The following POLE variants were observed in gnomAD, a reference collection of about 807,000 sequenced individuals.
POLE encodes DNA polymerase epsilon catalytic subunit A.
Under a neutral mutation model 279.2 loss-of-function variants are expected in POLE, and 188 were observed. That is an observed-to-expected ratio of 0.67 (90% confidence interval 0.60 to 0.76). The LOEUF is 0.76. Among genes scored for constraint, POLE ranks in the 30% least tolerant of loss-of-function variants. The pLI, the probability that POLE is intolerant of heterozygous loss-of-function variation, is 0.00. For synonymous variants in POLE, 1,214 were observed against 1,172.5 expected, an observed-to-expected ratio of 1.04 and a Z score of -0.72; for missense variants, 2,703 against 3,016.7, an observed-to-expected ratio of 0.90 and a Z score of 2.44.
chr12:132,676,081 G>C lies in POLE; in HGVS notation c.1020+13C>G. ...CACAATACCGGGTAGTTTCCCAAGT[G>C]ATACCTCCTTACCTCATCGGGTTCA... On this transcript the variant is annotated intron_variant, in intron 10 of 48. Transcript: ENST00000320574. The C allele has an allele frequency of 6.5e-7, 1 of 1,546,880 alleles. No homozygotes were observed.
intron 29 of POLE, among the ~76,000 whole-genome samples, chr12:132,654,627 C>CA (rs58353820): frequency 0.022 from 3,341 of 152,094 alleles, 123 homozygotes; most frequent in African/African-American, 0.076. Context: ...CTTGTCTCTA[C>CA]AAAAAATTAC....
Position 132,639,610 on chromosome 12 carries a change from GGGGACCCTGACA to G in POLE, c.5379-324_5379-313del, listed in dbSNP as rs1244183701. ...CAAAGCAGCAAGTGTGTGACGGGCCGGGGACCCTGACAGGAAGGACACAGCAAAGCCACTGCC... is the reference window on the plus strand; with the variant it reads ...CAAAGCAGCAAGTGTGTGACGGGCCGGGAAGGACACAGCAAAGCCACTGCC... On this transcript the variant is annotated intron_variant, in intron 39 of 48. Transcript: ENST00000320574. This position sits in a 1 kb window ranked among gnomAD's most constrained non-coding sequence, Gnocchi z 4.7. Among the ~76,000 whole-genome samples the G allele has an allele frequency of 6.6e-6, 1 of 152,172 alleles. No homozygotes were observed. Among genetic ancestry groups the G allele is most frequent in the Admixed American group, 6.5e-5 (1 of 15,272 alleles).
chr12:132,636,441 GAAAAA>G lies in POLE; in HGVS notation c.5679-422_5679-418del, dbSNP rs60289510. 3.2e-3 allele frequency among the ~76,000 whole-genome samples: 144 copies of G among 44,456 alleles called. 1 individual carries two copies. The highest frequency in any genetic ancestry group is 0.014 in the African/African-American group (138 of 9,636). The allele number at this position is 44,456 out of a possible 152,430, so 29.2% of individuals were successfully genotyped here. A position where few individuals can be genotyped will look rare whatever the true frequency, so the allele number is the denominator to read the frequency against. On this transcript the variant is annotated intron_variant, in intron 41 of 48. Transcript: ENST00000320574. ...CCTCTGCACATTAGATCCATTTAAG[GAAAAA>G]AAAAAAAAAAAAAAAAAAAAAAGAA...
At chr12:132,643,020 G>T (rs771921982) in intron 35 of POLE, 24 bp from the exon 36 acceptor site, 6 of 1,568,612 alleles carry the variant, frequency 3.8e-6, no homozygotes, top group Non-Finnish European at 5.2e-6. Flanking sequence ...GGCCACGTCA[G>T]CCTCCCCCTG....
chr12:132,674,022 C>T (rs1032277735), intron 12 of POLE, among the ~76,000 whole-genome samples: 35 of 152,160 alleles, frequency 2.3e-4, no homozygotes, highest in African/African-American at 8.2e-4. Context: ...CTCCCCAGAC[C>T]TCAGGTCTGC....
chr12:132,657,035 G>T, intron 29 of POLE, 101 bp downstream of exon 29: 1 of 1,310,800 alleles, frequency 7.6e-7, no homozygotes, highest in Non-Finnish European at 1.1e-6. Flanking sequence ...TTCGATGCTT[G>T]AACAGAAGCT....
rs2042371983 is a variant in POLE at position 132,649,574 on chromosome 12, G to A, written c.3796-59C>T. On this transcript the variant is annotated intron_variant, in intron 30 of 48. Transcript: ENST00000320574. ...GTGGTGAGATGGGAATGCCCGCCAT[G>A]ACTTTCTCACAAGCAGCCTCCCTAG... The A allele has an allele frequency of 3.1e-6, 5 of 1,596,122 alleles. No homozygotes were observed. The Admixed American group carries it at 5.0e-5, about 16-fold the overall frequency.
At position 132,664,217 on chromosome 12, in the gene POLE, C is replaced by G. The variant is rs1308051259; in HGVS notation, c.2562-69G>C. 4.0e-6 allele frequency: 6 copies of G among 1,511,440 alleles called. No homozygotes were observed. Among genetic ancestry groups the G allele is most frequent in the Admixed American group, 1.7e-5 (1 of 58,472 alleles). 93.6% of individuals were successfully genotyped at this position (1,511,440 alleles called of 1,614,324 possible). On this transcript the variant is annotated intron_variant, in intron 22 of 48. Coordinates refer to ENST00000320574, the MANE Select transcript of POLE (RefSeq NM_006231.4). This position sits in a 1 kb window ranked among gnomAD's most constrained non-coding sequence, Gnocchi z 5.3. ...TTTCACCCAGTGTGTGGCCTCCAGC[C>G]TTCCCTCCTTCCTTCCTGCCCAGTG... is the stretch of plus-strand genomic sequence containing the variant.
At chr12:132,667,681 G>A (rs1165650494) in intron 19 of POLE, 33 bp from the exon 20 acceptor site, 1 of 1,611,626 alleles carries the variant, frequency 6.2e-7, no homozygotes, top group Non-Finnish European at 8.5e-7. Flanking sequence ...GAGCAGGTGG[G>A]TGAGATCTCC....
chr12:132,649,187 G>A (rs1156891670), intron 31 of POLE, 115 bp from the exon 32 acceptor site: 10 of 1,499,198 alleles, frequency 6.7e-6, no homozygotes, highest in Middle Eastern at 2.0e-4. Flanking sequence ...TCCCTACGAT[G>A]GGCAGGAAAC....
chr12:132,669,125 G>T (rs966456481), intron 16 of POLE, among the ~76,000 whole-genome samples, 186 bp from the exon 17 acceptor site: 8 of 152,056 alleles, frequency 5.3e-5, no homozygotes, highest in Non-Finnish European at 8.8e-5. Flanking sequence ...AAATTTGGTG[G>T]AGTCATTAGA....
In POLE at chr12:132,681,185, G is replaced by A. The variant is rs915665174; in HGVS notation, c.157C>T (p.Leu53=). The part of the protein sequence containing the change: ...KMDLRFGFER[L]KEPGEKTGWL... ...CCTGTCTTCTCACCAGGCTCCTTCA[G>A]CCGCTCAAAACCAAACCGCAAATCC... Residue 53 remains leucine, a synonymous_variant, in exon 2 of 49, where the codon CTG becomes TTG. Transcript: ENST00000320574. 6.2e-7 allele frequency: 1 copy of A among 1,614,008 alleles called. No homozygotes were observed. Among genetic ancestry groups the A allele is most frequent in the African/African-American group, 1.3e-5 (1 of 74,892 alleles).
intron 41 of POLE, 146 bp from the exon 42 acceptor site, chr12:132,636,170 T>G: frequency 1.1e-6 from 1 of 873,810 alleles, no homozygotes; most frequent in Non-Finnish European, 1.7e-6. Flanking sequence ...CCCTCAGGCT[T>G]CCTGGGGAAA....
intron 1 of POLE, among the ~76,000 whole-genome samples, chr12:132,685,803 TTGG>T (rs2043246041): frequency 6.6e-6 from 1 of 152,174 alleles, no homozygotes; most frequent in Non-Finnish European, 1.5e-5. Context: ...TCCTTACCAC[TTGG>T]TTTCTCCTCT....
At position 132,659,190 on chromosome 12, in the gene POLE, C is replaced by T. The variant is rs2042620635; in HGVS notation, c.3275+105G>A. ...CCTCTCCGTGACAGGGCAGCCCTCA[C>T]CTCTCTGTGATGAGGGGAGCCCTCA... On this transcript the variant is annotated intron_variant, in intron 26 of 48. Transcript: ENST00000320574. 1.1e-5 allele frequency: 13 copies of T among 1,202,306 alleles called. 2 individuals are homozygous for T. The South Asian group carries it at 1.9e-4, about 17-fold the overall frequency. 74.5% of individuals were successfully genotyped at this position (1,202,306 alleles called of 1,614,324 possible).
At chr12:132,666,192 T>A (rs1464675244) in intron 20 of POLE, among the ~76,000 whole-genome samples, 1 of 152,220 alleles carries the variant, frequency 6.6e-6, no homozygotes, top group East Asian at 1.9e-4. Flanking sequence ...CGTCGGTGTA[T>A]GAAGGATAGA....
In POLE at chr12:132,643,325, T is replaced by C. The variant is rs772734618; in HGVS notation, c.4450A>G (p.Ile1484Val). The stretch of plus-strand genomic sequence containing the variant: ...TGGTGGTACAGGTAGATATGGCGGA[T>C]ACTCCCTGGAGAAGGAAACAAGACC... ...AQFSYLEPGS[I>V]RHIYLYHHAQ... Residue 1484 changes from isoleucine (I) to valine (V), a missense_variant, in exon 35 of 49, where the codon ATC becomes GTC. By Grantham distance (29) the Ile-to-Val change is conservative. Around this residue, in one of 5 missense-constraint regions of POLE, gnomAD observed 1,551 missense variants for 1,686.1 expected, o/e 0.92. Transcript: ENST00000320574. 8.1e-6 allele frequency: 13 copies of C among 1,613,902 alleles called. No individual in the cohort carries two copies. Among genetic ancestry groups the C allele is most frequent in the Non-Finnish European group, 1.0e-5 (12 of 1,180,004 alleles).
Position 132,665,434 on chromosome 12 carries a change from A to G in POLE, c.2336T>C (p.Leu779Pro). The change falls in exon 21 of 49, where the codon CTC becomes CCC. Residue 779 changes from leucine to proline, a missense_variant. Coordinates refer to ENST00000320574, the MANE Select transcript of POLE (RefSeq NM_006231.4). ...GTCGCCCACCTCCACGGCCGCCGAG[A>G]GCTTCTTTTTCCACACCTGAGAAGC... Reference protein sequence around the residue: ...KGLHKVWKKKLSAAVEVGDAA... With the variant: ...KGLHKVWKKKPSAAVEVGDAA... 6.2e-7 allele frequency: 1 copy of G among 1,611,244 alleles called. No homozygotes were observed. Among genetic ancestry groups the G allele is most frequent in the Non-Finnish European group, 8.5e-7 (1 of 1,179,690 alleles).
intron 42 of POLE, 116 bp downstream of exon 42, chr12:132,635,776 G>A: frequency 9.9e-7 from 1 of 1,005,278 alleles, no homozygotes; most frequent in South Asian, 1.6e-5. Flanking sequence ...CAGGATGCGG[G>A]TGCAGTGTCT....
Sources: allele counts gnomAD v4.1 joint callset (sites outside exome capture counted in the v4.1 genomes callset), GRCh38; gene constraint gnomAD v4.1.1; regional missense constraint gnomAD v4.1.1; non-coding constraint Gnocchi (gnomAD v3.1); transcripts MANE v1.5; gene names NCBI Gene and HGNC (gene_info 2026-07-23, HGNC 2026-07-21).